Variants in ATP4A observed in about 807,000 individuals in gnomAD.
ATP4A encodes the protein ATPase H+/K+ transporting subunit alpha.
Under a neutral mutation model 112.1 loss-of-function variants are expected in ATP4A, and 73 were observed. That is an observed-to-expected ratio of 0.65 (90% CI 0.54 to 0.79). The LOEUF is 0.79. Among genes scored for constraint, ATP4A ranks in the 30% least tolerant of loss-of-function variants. The pLI, the probability that ATP4A is intolerant of heterozygous loss-of-function variation, is 0.00. For missense variants in ATP4A, 1,081 were observed against 1,425.9 expected (o/e 0.76, Z 3.90); for synonymous variants, 588 against 588.9 (o/e 1.00, Z 0.02).
rs372471424 is a variant in ATP4A, at chr19:35,561,126, C to T, written c.421-194G>A. ...CCCTCATGTCCCACACTCGCCTGCT[C>T]TGTCTTCTCAGTGTCTTGTGTTTCT... On this transcript the variant is annotated intron_variant, in intron 4 of 21. Coordinates refer to ENST00000262623, the MANE Select transcript of ATP4A (RefSeq NM_000704.3). Among the ~76,000 whole-genome samples the T allele has an allele frequency of 2.0e-4, 31 of 152,182 alleles. No homozygotes were observed. In the South Asian group the frequency reaches 6.4e-3, roughly 32 times the overall value.
rs1355426880 is a variant in ATP4A at position 35,550,359 on chromosome 19, A to G, written c.*256T>C. On this transcript the variant is annotated 3_prime_UTR_variant, in exon 22 of 22. Coordinates refer to ENST00000262623, the MANE Select transcript of ATP4A (RefSeq NM_000704.3). This position sits in a 1 kb window ranked among gnomAD's most constrained non-coding sequence, Gnocchi z 4.1. Reference sequence around the variant, plus strand: ...TCCCTGTCAGAGCCCCACCGCCACCACAGGTGGCGGCTTTCCCGAGGCCAG... The same window carrying G: ...TCCCTGTCAGAGCCCCACCGCCACCGCAGGTGGCGGCTTTCCCGAGGCCAG... 5.5e-6 allele frequency: 3 copies of G among 549,822 alleles called. No individual in the cohort carries two copies. The highest frequency in any genetic ancestry group is 9.7e-6 in the Non-Finnish European group (3 of 308,402). 34.1% of individuals were successfully genotyped at this position (549,822 alleles called of 1,614,324 possible). A position where few individuals can be genotyped will look rare whatever the true frequency, so the allele number is the denominator to read the frequency against.
rs761966045 is a variant in ATP4A at position 35,558,323 on chromosome 19, G to A, written c.1500+39C>T. ...GGTGTGGCCTGGGGCGGGGCCCGAG[G>A]TGGGCGGGCCCAGGCCGTGGGCGGG... On this transcript the variant is annotated intron_variant, in intron 10 of 21. Coordinates refer to ENST00000262623, the MANE Select transcript of ATP4A (RefSeq NM_000704.3). The surrounding 1 kb of genome is among the most constrained non-coding windows in gnomAD (Gnocchi z 5.1). 2 of 1,580,758 alleles carry A rather than the reference G, an allele frequency of 1.3e-6. No homozygotes were observed. The highest frequency in any genetic ancestry group is 1.9e-5 in the Admixed American group (1 of 53,760).
Position 35,555,875 on chromosome 19 carries a change from G to A in ATP4A, c.1870-63C>T, listed in dbSNP as rs1459749303. On this transcript the variant is annotated intron_variant, in intron 12 of 21. Transcript: ENST00000262623. The surrounding 1 kb of genome is among the most constrained non-coding windows in gnomAD (Gnocchi z 6.6). ...TCAGCCCAATCTCCCTGTCCTCCCT[G>A]GGAGACATCTGCTGATACACGTGTT... 2 of 1,542,852 alleles carry A rather than the reference G, an allele frequency of 1.3e-6. No individual in the cohort carries two copies. Among genetic ancestry groups the A allele is most frequent in the East Asian group, 2.3e-5 (1 of 43,820 alleles).
In ATP4A at chr19:35,561,034, A is replaced by G. The variant is rs973311861; in HGVS notation, c.421-102T>C. 5 of 956,134 alleles carry G rather than the reference A, an allele frequency of 5.2e-6. No homozygotes were observed. The East Asian group carries it at 1.3e-4, about 24-fold the overall frequency. 59.2% of individuals were successfully genotyped at this position (956,134 alleles called of 1,614,324 possible). On this transcript the variant is annotated intron_variant, in intron 4 of 21. Transcript: ENST00000262623. ...TGCCCTGGTTTTCTTGGTTTTCCCC[A>G]TGCTTTTCCCCACCTACTAGGAAGC...
chr19:35,560,786 G>A lies in ATP4A; in HGVS notation c.534+33C>T, dbSNP rs371807763. ...CTACAGGAGCAGTTTGGAGTCTCTG[G>A]GATCTGGAGTGGCTGGGTGCTGGGG... On this transcript the variant is annotated intron_variant, in intron 5 of 21. Coordinates refer to ENST00000262623, the MANE Select transcript of ATP4A (RefSeq NM_000704.3). The surrounding 1 kb of genome is among the most constrained non-coding windows in gnomAD (Gnocchi z 5.1). 3.4e-4 allele frequency: 539 copies of A among 1,606,084 alleles called. No individual in the cohort carries two copies. Among genetic ancestry groups the A allele is most frequent in the Admixed American group, 9.5e-4 (57 of 60,008 alleles).
chr19:35,562,564 G>A lies in ATP4A; in HGVS notation c.291C>T (p.Thr97=), dbSNP rs1180907208. 6.2e-7 allele frequency: 1 copy of A among 1,612,450 alleles called. No individual in the cohort carries two copies. The highest frequency in any genetic ancestry group is 1.7e-5 in the Admixed American group (1 of 59,814). ...GPNALRPPRG[T]PEYVKFARQL... is the part of the protein sequence containing the mutation. Reference sequence around the variant, plus strand: ...GCCTCGCGAACTTGACGTACTCTGGGGTGCCCCGTGGTGGCCGCAGTGCGT... The same window carrying A: ...GCCTCGCGAACTTGACGTACTCTGGAGTGCCCCGTGGTGGCCGCAGTGCGT... The change falls in exon 4 of 22, where the codon ACC becomes ACT. Residue 97 remains threonine (T), a synonymous_variant. Coordinates refer to ENST00000262623, the MANE Select transcript of ATP4A (RefSeq NM_000704.3).
In ATP4A at chr19:35,558,529, C is replaced by A; in HGVS notation, c.1366-33G>T. The A allele has an allele frequency of 6.3e-7, 1 of 1,589,476 alleles. No homozygotes were observed. On this transcript the variant is annotated intron_variant, in intron 9 of 21. Coordinates refer to ENST00000262623, the MANE Select transcript of ATP4A (RefSeq NM_000704.3). This position sits in a 1 kb window ranked among gnomAD's most constrained non-coding sequence, Gnocchi z 5.1. ...CGGGGACCGGTGTCAGGGGCGAAGC[C>A]GGCTACACCAGCCTCCCGGGATTCC...
rs1182643597 is a variant in ATP4A, at chr19:35,558,093, G to C, written c.1501-246C>G. The C allele has an allele frequency of 3.2e-6, 2 of 616,042 alleles. No individual in the cohort carries two copies. Among genetic ancestry groups the C allele is most frequent in the South Asian group, 2.0e-5 (1 of 49,294 alleles). 38.2% of individuals were successfully genotyped at this position (616,042 alleles called of 1,614,324 possible). On this transcript the variant is annotated intron_variant, in intron 10 of 21. Transcript: ENST00000262623. This position sits in a 1 kb window ranked among gnomAD's most constrained non-coding sequence, Gnocchi z 5.1. Reference sequence around the variant, plus strand: ...GGACGCAGGGAATGAACAGAATTAGGGTGCGGAGTTGGGCTGGGGGCGGAT... The same window carrying C: ...GGACGCAGGGAATGAACAGAATTAGCGTGCGGAGTTGGGCTGGGGGCGGAT...
Position 35,555,400 on chromosome 19 carries a change from C to T in ATP4A, c.2157+40G>A, listed in dbSNP as rs1568313862. On this transcript the variant is annotated intron_variant, in intron 14 of 21. Transcript: ENST00000262623. This position sits in a 1 kb window ranked among gnomAD's most constrained non-coding sequence, Gnocchi z 6.6. ...AGAGGCCGGTCCAAGACCAGCCCCG[C>T]CTGTCTGCCCGCCTGCCCACCCTCA... is the stretch of plus-strand genomic sequence containing the variant. 2.5e-6 allele frequency: 4 copies of T among 1,601,602 alleles called. No homozygotes were observed. Among genetic ancestry groups the T allele is most frequent in the Non-Finnish European group, 2.6e-6 (3 of 1,172,134 alleles).
At position 35,557,882 on chromosome 19, in the gene ATP4A, G is replaced by A. The variant is rs909068; in HGVS notation, c.1501-35C>T. 6.8e-6 allele frequency: 8 copies of A among 1,175,472 alleles called. No homozygotes were observed. In the East Asian group the frequency reaches 1.6e-4, roughly 24 times the overall value. The allele number at this position is 1,175,472 out of a possible 1,614,324, so 72.8% of individuals were successfully genotyped here. A position where few individuals can be genotyped will look rare whatever the true frequency, so the allele number is the denominator to read the frequency against. ...GGGGGGAGAGGCGAGGCTGTGGACG[G>A]GGGAACGGGGCGGGGCTGTGGACGA... On this transcript the variant is annotated intron_variant, in intron 10 of 21. Transcript: ENST00000262623. This position sits in a 1 kb window ranked among gnomAD's most constrained non-coding sequence, Gnocchi z 4.4.
chr19:35,563,458 T>C lies in ATP4A; in HGVS notation c.82A>G (p.Lys28Glu), dbSNP rs1411314753. The C allele has an allele frequency of 6.2e-7, 1 of 1,613,910 alleles. No individual in the cohort carries two copies. The highest frequency in any genetic ancestry group is 8.5e-7 in the Non-Finnish European group (1 of 1,180,000). Reference sequence around the variant, plus strand: ...CCCCCGCCACCCGCCTTCTTCTTCTTGCTCATCTTGGCAGCCATGTCCCCG... The same window carrying C: ...CCCCCGCCACCCGCCTTCTTCTTCTCGCTCATCTTGGCAGCCATGTCCCCG... ...PGGDMAAKMS[K>E]KKKAGGGGGK... Residue 28 changes from lysine to glutamate, a missense_variant, in exon 2 of 22, where the codon AAG (lysine) becomes GAG (glutamate). Physicochemically the swap from Lys to Glu is moderately conservative, Grantham distance 56. This residue lies in a region of ATP4A where 850 missense variants were observed against 1,068.2 expected (regional missense o/e 0.80). Transcript: ENST00000262623.
rs2071657587 is a variant in ATP4A, at chr19:35,559,921, C to T, written c.940G>A (p.Gly314Ser). The change falls in exon 7 of 22, where the codon GGT becomes AGT. Residue 314 changes from glycine (G) to serine (S), a missense_variant. Around this residue, in one of 3 missense-constraint regions of ATP4A, gnomAD observed 850 missense variants for 1,068.2 expected, o/e 0.80. Coordinates refer to ENST00000262623, the MANE Select transcript of ATP4A (RefSeq NM_000704.3). This position sits in a 1 kb window ranked among gnomAD's most constrained non-coding sequence, Gnocchi z 4.1. The part of the protein sequence containing the change: ...DIIAGLAILF[G>S]ATFFIVAMCI... ...ATGGCCACAATAAAAAATGTGGCAC[C>T]GAAGAGAATGGCCAGGCCCGCGATG... 2.5e-6 allele frequency: 4 copies of T among 1,614,160 alleles called. No individual in the cohort carries two copies. The highest frequency in any genetic ancestry group is 3.4e-6 in the Non-Finnish European group (4 of 1,180,020).
rs573611881 is a variant in ATP4A, at chr19:35,563,538, A to G, written c.13-11T>C. 1 of 1,613,878 alleles carries G rather than the reference A, an allele frequency of 6.2e-7. No individual in the cohort carries two copies. The highest frequency in any genetic ancestry group is 1.1e-5 in the South Asian group (1 of 91,072). On this transcript the variant is annotated splice_polypyrimidine_tract_variant and intron_variant, in intron 1 of 21. Transcript: ENST00000262623. The stretch of plus-strand genomic sequence containing the variant: ...GAGCTCATAGTTCTCCTGGGAATGG[A>G]CAGGATGGAGGGAGGGAGAACTCAG...
Position 35,559,328 on chromosome 19 carries a change from T to G in ATP4A, c.1057-137A>C. 1 of 896,800 alleles carries G rather than the reference T, an allele frequency of 1.1e-6. No homozygotes were observed. Among genetic ancestry groups the G allele is most frequent in the South Asian group, 1.6e-5 (1 of 62,960 alleles). The allele number at this position is 896,800 out of a possible 1,614,324, so 55.6% of individuals were successfully genotyped here. The stretch of plus-strand genomic sequence containing the variant: ...CGTGCTTCTGCAAACACCAGGTGTT[T>G]TCTTGGCCCCAGCTTTTGTTCAGCC... On this transcript the variant is annotated intron_variant, in intron 7 of 21. Coordinates refer to ENST00000262623, the MANE Select transcript of ATP4A (RefSeq NM_000704.3). This position sits in a 1 kb window ranked among gnomAD's most constrained non-coding sequence, Gnocchi z 4.1.
intron 2 of ATP4A, 47 bp from the exon 3 acceptor site, chr19:35,563,315 C>A: frequency 6.2e-7 from 1 of 1,613,546 alleles, no homozygotes; most frequent in Non-Finnish European, 8.5e-7. Flanking sequence ...CTCTCCTGGC[C>A]CCCTCCCCGC....
chr19:35,552,979 G>T, intron 18 of ATP4A, 58 bp downstream of exon 18: 1 of 1,524,824 alleles, frequency 6.6e-7, no homozygotes, highest in Non-Finnish European at 8.9e-7. Context: ...CGCACACAAG[G>T]CAAGTTGCCC....
At chr19:35,554,315 C>T (rs560315285) in intron 16 of ATP4A, among the ~76,000 whole-genome samples, 1 of 152,072 alleles carries the variant, frequency 6.6e-6, no homozygotes, top group African/African-American at 2.4e-5. Context: ...ACTTATTTGC[C>T]CAGTGACCTG....
Position 35,559,760 on chromosome 19 carries a change from G to T in ATP4A, c.1056+45C>A, listed in dbSNP as rs774824050. On this transcript the variant is annotated intron_variant, in intron 7 of 21. Transcript: ENST00000262623. The surrounding 1 kb of genome is among the most constrained non-coding windows in gnomAD (Gnocchi z 4.1). ...AATGTGGAGGAAAGAACAGATGGTT[G>T]AGCAGGCCCCTCAGCTCCCTGCATC... The T allele has an allele frequency of 1.9e-6, 3 of 1,598,734 alleles. No individual in the cohort carries two copies. In the Admixed American group the frequency reaches 5.1e-5, roughly 27 times the overall value.
chr19:35,562,782 C>T (rs1188783019), intron 3 of ATP4A, 144 bp from the exon 4 acceptor site: 5 of 771,934 alleles, frequency 6.5e-6, no homozygotes, highest in Non-Finnish European at 8.1e-6. Context: ...TTCCTGCCCC[C>T]ACCCCATCTC....
Sources: gnomAD v4.1 joint callset for allele counts (sites outside exome capture counted in the v4.1 genomes callset) on GRCh38, gnomAD v4.1.1 for gene constraint, gnomAD v4.1.1 regional missense constraint, Gnocchi (gnomAD v3.1) non-coding constraint, MANE v1.5 for transcripts, NCBI Gene and HGNC (gene_info 2026-07-23, HGNC 2026-07-21) for gene names.